Variants in PERP observed in about 807,000 individuals in gnomAD.
PERP encodes p53 apoptosis effector related to PMP-22.
Under a neutral mutation model 20.3 loss-of-function variants are expected in PERP, and 11 were observed. The ratio of observed to expected loss-of-function variants is 0.54; its 90% CI spans 0.34 to 0.90. The LOEUF (loss-of-function observed/expected upper bound fraction) is 0.90. Ranked by LOEUF, PERP falls within the 40% of genes least tolerant of loss-of-function variation. PERP has a pLI of 0.02. For synonymous variants in PERP, 101 were observed against 102.0 expected (o/e 0.99, Z 0.06); for missense variants, 224 against 249.4 (o/e 0.90, Z 0.69).
At chr6:138,094,050 A>G (rs1775635355) in intron 2 of PERP, among the ~76,000 whole-genome samples, 1 of 152,208 alleles carries the variant, frequency 6.6e-6, no homozygotes, top group Admixed American at 6.5e-5. Context: ...GTGGATGGCC[A>G]TTGCTAGATC....
chr6:138,093,577 A>G (rs1775623580), intron 2 of PERP, among the ~76,000 whole-genome samples: 1 of 152,168 alleles, frequency 6.6e-6, no homozygotes, highest in African/African-American at 2.4e-5. Flanking sequence ...ATTTGCTACC[A>G]CATACTGTGT....
rs1005312079 is a variant in PERP at position 138,097,860 on chromosome 6, C to T, written c.215-1366G>A. Among the ~76,000 whole-genome samples the T allele has an allele frequency of 8.5e-5, 13 of 152,248 alleles. No homozygotes were observed. In the South Asian group the frequency reaches 1.5e-3, roughly 17 times the overall value. On this transcript the variant is annotated intron_variant, in intron 1 of 2. Transcript: ENST00000421351. ...CACTAACAATCCAGAATATTTTTAT[C>T]GCCCCGCAAAGAAACCCCGTGCCCA...
rs1345487322 is a variant in PERP, at chr6:138,088,798, A to G, written c.*3244T>C. On this transcript the variant is annotated 3_prime_UTR_variant, in exon 3 of 3. Coordinates refer to ENST00000421351, the MANE Select transcript of PERP (RefSeq NM_022121.5). ...AAAAAGCAAAGGGCTCTGACCATCG[A>G]CTGATGGGGTTGCAAGCCCAGCCTG... 1.3e-5 allele frequency: 2 copies of G among 152,314 alleles called. No homozygotes were observed. The highest frequency in any genetic ancestry group is 2.9e-5 in the Non-Finnish European group (2 of 68,036). The allele number at this position is 152,314 out of a possible 1,614,324, so 9.4% of individuals were successfully genotyped here. A position where few individuals can be genotyped will look rare whatever the true frequency, so the allele number is the denominator to read the frequency against.
At chr6:138,100,883 A>G (rs1775760789) in intron 1 of PERP, among the ~76,000 whole-genome samples, 1 of 152,184 alleles carries the variant, frequency 6.6e-6, no homozygotes, top group Admixed American at 6.5e-5. Context: ...TCAACATTAA[A>G]TCAAGAACAC....
In PERP at chr6:138,107,406, C is replaced by T; in HGVS notation, c.-66G>A. On this transcript the variant is annotated 5_prime_UTR_variant, in exon 1 of 3. Coordinates refer to ENST00000421351, the MANE Select transcript of PERP (RefSeq NM_022121.5). This position sits in a 1 kb window ranked among gnomAD's most constrained non-coding sequence, Gnocchi z 4.8. ...GGGTCGGAGGAGCGCGCGGGACGGG[C>T]GACAGCAGAGAGTGGCCTGCGAGCG... 1 of 1,316,844 alleles carries T rather than the reference C, an allele frequency of 7.6e-7. No homozygotes were observed. Among genetic ancestry groups the T allele is most frequent in the Non-Finnish European group, 9.8e-7 (1 of 1,017,858 alleles). 81.6% of individuals were successfully genotyped at this position (1,316,844 alleles called of 1,614,324 possible). A position where few individuals can be genotyped will look rare whatever the true frequency, so the allele number is the denominator to read the frequency against.
chr6:138,096,509 GA>G lies in PERP; in HGVS notation c.215-16del. 6.2e-7 allele frequency: 1 copy of G among 1,601,116 alleles called. No individual in the cohort carries two copies. Among genetic ancestry groups the G allele is most frequent in the East Asian group, 2.2e-5 (1 of 44,754 alleles). On this transcript the variant is annotated splice_polypyrimidine_tract_variant and intron_variant, in intron 1 of 2. Coordinates refer to ENST00000421351, the MANE Select transcript of PERP (RefSeq NM_022121.5). ...TCTACCCCACGCTGCAAGAAAAAAA[GA>G]AACAGCAATTAACAAGACAGACATA...
chr6:138,094,837 C>G (rs1775653495), intron 2 of PERP, among the ~76,000 whole-genome samples: 1 of 152,232 alleles, frequency 6.6e-6, no homozygotes, highest in African/African-American at 2.4e-5. Context: ...TCTCCTGCCT[C>G]AGCCTCCCAT....
intron 1 of PERP, among the ~76,000 whole-genome samples, chr6:138,100,498 T>C (rs1775753861): frequency 6.6e-6 from 1 of 152,022 alleles, no homozygotes; most frequent in Admixed American, 6.6e-5. Context: ...CTTTATCTAA[T>C]ACGAACACAA....
rs1376921468 is a variant in PERP, at chr6:138,107,403, G to C, written c.-63C>G. ...AGCGGGTCGGAGGAGCGCGCGGGACGGGCGACAGCAGAGAGTGGCCTGCGA... is the reference window on the plus strand; with the variant it reads ...AGCGGGTCGGAGGAGCGCGCGGGACCGGCGACAGCAGAGAGTGGCCTGCGA... On this transcript the variant is annotated 5_prime_UTR_variant, in exon 1 of 3. Coordinates refer to ENST00000421351, the MANE Select transcript of PERP (RefSeq NM_022121.5). The surrounding 1 kb of genome is among the most constrained non-coding windows in gnomAD (Gnocchi z 4.8). The C allele has an allele frequency of 6.7e-6, 9 of 1,337,042 alleles. No individual in the cohort carries two copies. In the African/African-American group the frequency reaches 1.2e-4, roughly 18 times the overall value. 82.8% of individuals were successfully genotyped at this position (1,337,042 alleles called of 1,614,324 possible).
chr6:138,106,827 C>T (rs985929535), intron 1 of PERP, among the ~76,000 whole-genome samples: 27 of 151,352 alleles, frequency 1.8e-4, no homozygotes, highest in African/African-American at 6.6e-4. Context: ...CTCATCTAAA[C>T]TTGCAATGCT....
intron 1 of PERP, among the ~76,000 whole-genome samples, chr6:138,100,675 G>A (rs556945123): frequency 4.6e-5 from 7 of 152,184 alleles, no homozygotes; most frequent in South Asian, 2.1e-4. Flanking sequence ...TAGATGCTGC[G>A]TTTCTGTGTA....
chr6:138,095,786 G>T (rs566334480), intron 2 of PERP, among the ~76,000 whole-genome samples: 1 of 152,252 alleles, frequency 6.6e-6, no homozygotes, highest in African/African-American at 2.4e-5. Context: ...ACTGGGCCCT[G>T]CACACCTGAA....
intron 1 of PERP, among the ~76,000 whole-genome samples, chr6:138,101,704 C>A (rs914092162): frequency 1.3e-5 from 2 of 152,100 alleles, no homozygotes; most frequent in African/African-American, 4.8e-5. Context: ...GCTCTTTAAG[C>A]CAAACACAGG....
At position 138,107,045 on chromosome 6, in the gene PERP, C is replaced by A; in HGVS notation, c.214+82G>T. The A allele has an allele frequency of 1.4e-6, 2 of 1,387,360 alleles. No individual in the cohort carries two copies. The highest frequency in any genetic ancestry group is 2.0e-6 in the Non-Finnish European group (2 of 1,022,934). 85.9% of individuals were successfully genotyped at this position (1,387,360 alleles called of 1,614,324 possible). On this transcript the variant is annotated intron_variant, in intron 1 of 2. Transcript: ENST00000421351. This position sits in a 1 kb window ranked among gnomAD's most constrained non-coding sequence, Gnocchi z 4.8. ...ACTGGCTCCCCCGACCCTGTGAGGG[C>A]CCATCACGCGCGGCGGCTTTTGCAG...
rs1352606204 is a variant in PERP, at chr6:138,107,258, A to G, written c.83T>C (p.Ile28Thr). ...CAACCAGCCGCGGCCGGCCAGCGCG[A>G]TGATGTCGAAGGCGATGGCGCTGAG... ...LLLSAIAFDI[I>T]ALAGRGWLQS... Residue 28 changes from isoleucine (I) to threonine (T), a missense_variant, in exon 1 of 3, where the codon ATC (isoleucine) becomes ACC (threonine). Ile to Thr is a moderately conservative substitution (Grantham distance 89, BLOSUM62 -1). Coordinates refer to ENST00000421351, the MANE Select transcript of PERP (RefSeq NM_022121.5). This position sits in a 1 kb window ranked among gnomAD's most constrained non-coding sequence, Gnocchi z 4.8. 1.2e-6 allele frequency: 2 copies of G among 1,611,828 alleles called. No homozygotes were observed. Among genetic ancestry groups the G allele is most frequent in the Middle Eastern group, 1.7e-4 (1 of 5,980 alleles).
chr6:138,093,101 C>T (rs555032033), intron 2 of PERP, among the ~76,000 whole-genome samples: 3 of 152,254 alleles, frequency 2.0e-5, no homozygotes, highest in East Asian at 1.9e-4. Context: ...AGTCTACTTT[C>T]GTGGTCTTTT....
chr6:138,105,647 T>C (rs557137415), intron 1 of PERP, among the ~76,000 whole-genome samples: 33 of 152,244 alleles, frequency 2.2e-4, no homozygotes, highest in Non-Finnish European at 4.6e-4. Flanking sequence ...TTACTTTATA[T>C]GTGGAGGATT....
chr6:138,104,036 T>G (rs1384705366), intron 1 of PERP, among the ~76,000 whole-genome samples: 1 of 152,220 alleles, frequency 6.6e-6, no homozygotes, highest in Non-Finnish European at 1.5e-5. Context: ...TGTTTCACTC[T>G]GGTGCACAAA....
chr6:138,098,720 T>G (rs1276578499), intron 1 of PERP, among the ~76,000 whole-genome samples: 1 of 152,172 alleles, frequency 6.6e-6, no homozygotes, highest in Non-Finnish European at 1.5e-5. Context: ...CATGAGTGAC[T>G]GGGGCACAAT....
Sources: allele counts gnomAD v4.1 joint callset (sites outside exome capture counted in the v4.1 genomes callset), GRCh38; gene constraint gnomAD v4.1.1; non-coding constraint Gnocchi (gnomAD v3.1); transcripts MANE v1.5; gene names NCBI Gene and HGNC (gene_info 2026-07-23, HGNC 2026-07-21).